COA1: variants seen among roughly 807,000 people sequenced by gnomAD.
The protein encoded by COA1 is cytochrome c oxidase assembly factor 1 homolog.
In COA1, 13 loss-of-function variants were observed where a neutral mutation model predicts 16.0. The ratio of observed to expected loss-of-function variants is 0.81; its 90% CI spans 0.53 to 1.29. The LOEUF is 1.29. COA1 is among the 50% of genes most tolerant of loss of function. The pLI, the probability that COA1 is intolerant of heterozygous loss-of-function variation, is 0.00. For missense variants in COA1, 179 were observed against 177.0 expected (o/e 1.01, Z -0.06); for synonymous variants, 65 against 65.7 (o/e 0.99, Z 0.05).
intron 6 of COA1, chr7:43,624,987 GT>G: frequency 1.3e-6 from 1 of 747,850 alleles, no homozygotes; most frequent in Non-Finnish European, 2.0e-6. Flanking sequence ...AATTTGTGGA[GT>G]TAGGTGGAAG....
In COA1 at chr7:43,646,867, C is replaced by T. The variant is rs113904521; in HGVS notation, c.115+668G>A. 7.2e-3 allele frequency: 1,763 copies of T among 245,126 alleles called. 31 individuals are homozygous for T. Among genetic ancestry groups the T allele is most frequent in the African/African-American group, 0.036 (1,644 of 45,070 alleles). 15.2% of individuals were successfully genotyped at this position (245,126 alleles called of 1,614,324 possible). A position where few individuals can be genotyped will look rare whatever the true frequency, so the allele number is the denominator to read the frequency against. On this transcript the variant is annotated intron_variant, in intron 3 of 5. Coordinates refer to ENST00000223336, the MANE Select transcript of COA1 (RefSeq NM_018224.4). ...AGTGAAAATGTTGCAGAGTGGATGA[C>T]GAGCCAAGCTGGGTGGGGATAAAGG...
At chr7:43,673,848 A>G (rs1300475178) in intron 1 of COA1, among the ~76,000 whole-genome samples, 1 of 152,226 alleles carries the variant, frequency 6.6e-6, no homozygotes, top group East Asian at 1.9e-4. Context: ...TTGCAGCAAC[A>G]CAGATGGACC....
intron 6 of COA1, among the ~76,000 whole-genome samples, chr7:43,633,740 G>T (rs986778780): frequency 6.6e-6 from 1 of 152,056 alleles, no homozygotes; most frequent in Non-Finnish European, 1.5e-5. Context: ...AAAACACAAT[G>T]AAACTAGGTA....
intron 1 of COA1, among the ~76,000 whole-genome samples, chr7:43,725,875 T>A (rs1356762360): frequency 1.3e-5 from 2 of 149,774 alleles, no homozygotes; most frequent in South Asian, 2.1e-4. Flanking sequence ...ATATATATAT[T>A]ATATATATAC....
At chr7:43,699,091 A>G (rs530291947) in intron 1 of COA1, among the ~76,000 whole-genome samples, 7 of 152,302 alleles carry the variant, frequency 4.6e-5, no homozygotes, top group East Asian at 3.9e-4. Flanking sequence ...AGCTACAATT[A>G]TATCTTGACT....
intron 1 of COA1, chr7:43,711,527 T>C (rs1359341169): frequency 6.6e-6 from 1 of 152,202 alleles, no homozygotes; most frequent in Non-Finnish European, 1.5e-5. Flanking sequence ...ATCTGCTTTT[T>C]AAAAAGTTTG....
intron 1 of COA1, among the ~76,000 whole-genome samples, chr7:43,662,434 C>T (rs1413222790): frequency 3.3e-5 from 5 of 152,076 alleles, no homozygotes; most frequent in African/African-American, 7.2e-5. Context: ...GGTTTCACTA[C>T]GTTGGCCAGC....
intron 1 of COA1, chr7:43,649,160 TTATATAATTC>T (rs1307924634): frequency 6.6e-6 from 1 of 152,428 alleles, no homozygotes; most frequent in African/African-American, 2.4e-5. Flanking sequence ...TCTAAGCACT[TTATATAATTC>T]ATTTAATTCT....
At chr7:43,697,762 T>A (rs957511946) in intron 1 of COA1, among the ~76,000 whole-genome samples, 4 of 152,260 alleles carry the variant, frequency 2.6e-5, no homozygotes, top group Middle Eastern at 6.8e-3. Context: ...CCTTAAAAAG[T>A]CCTTCCATGG....
chr7:43,617,119 C>T (rs1271157896), intron 6 of COA1, among the ~76,000 whole-genome samples: 2 of 152,030 alleles, frequency 1.3e-5, no homozygotes, highest in Non-Finnish European at 2.9e-5. Flanking sequence ...GAAAGTGTCC[C>T]GTGGGACCCA....
At chr7:43,695,471 T>A (rs1477663255) in intron 1 of COA1, among the ~76,000 whole-genome samples, 1 of 151,326 alleles carries the variant, frequency 6.6e-6, no homozygotes, top group Middle Eastern at 3.4e-3. Context: ...TCTCTCTCTA[T>A]CCACAGCATT....
At position 43,710,375 on chromosome 7, in the gene COA1, A is replaced by AAATAT. The variant is rs761592421; in HGVS notation, c.-39+19053_-39+19054insATATT. 3.4e-3 allele frequency among the ~76,000 whole-genome samples: 123 copies of AAATAT among 36,436 alleles called. 2 individuals carry two copies. The highest frequency in any genetic ancestry group is 4.8e-3 in the African/African-American group (37 of 7,690). The allele number at this position is 36,436 out of a possible 152,430, so 23.9% of individuals were successfully genotyped here. On this transcript the variant is annotated intron_variant, in intron 1 of 5. Coordinates refer to ENST00000223336, the MANE Select transcript of COA1 (RefSeq NM_018224.4). ...AAAAAAAAAAAAAAAAAAAAAAAAAAATATATATATATATATATATTTTTA... is the reference window on the plus strand; with the variant it reads ...AAAAAAAAAAAAAAAAAAAAAAAAAAAATATATATATATATATATATATATTTTTA...
chr7:43,696,036 C>T (rs2094516180), intron 1 of COA1, among the ~76,000 whole-genome samples: 1 of 152,154 alleles, frequency 6.6e-6, no homozygotes, highest in South Asian at 2.1e-4. Context: ...GGAGGCCTCA[C>T]AATCACGGCG....
At chr7:43,675,196 G>A (rs6963406) in intron 1 of COA1, among the ~76,000 whole-genome samples, 66,618 of 151,974 alleles carry the variant, frequency 0.44, 15,161 homozygotes, top group African/African-American at 0.57. Context: ...GTCCAACAAC[G>A]ATAGACTGGA....
chr7:43,718,004 G>A (rs921281613), intron 1 of COA1, among the ~76,000 whole-genome samples: 9 of 152,172 alleles, frequency 5.9e-5, no homozygotes, highest in African/African-American at 1.9e-4. Context: ...AGTAAGTCCA[G>A]TTAAACCTCT....
intron 1 of COA1, among the ~76,000 whole-genome samples, chr7:43,650,882 C>A (rs966439862): frequency 2.0e-5 from 3 of 150,980 alleles, no homozygotes; most frequent in South Asian, 4.2e-4. Flanking sequence ...CAAGAGTGCT[C>A]AGGCAGTGAG....
At chr7:43,668,328 A>T (rs767850311) in intron 1 of COA1, among the ~76,000 whole-genome samples, 1 of 152,210 alleles carries the variant, frequency 6.6e-6, no homozygotes, top group Non-Finnish European at 1.5e-5. Flanking sequence ...TCAGCTTTAA[A>T]GGTCTTATCT....
chr7:43,719,522 T>A (rs1053280156), intron 1 of COA1, among the ~76,000 whole-genome samples: 1 of 152,208 alleles, frequency 6.6e-6, no homozygotes, highest in Non-Finnish European at 1.5e-5. Flanking sequence ...AGCTACCAAA[T>A]ATAAAGGATT....
At chr7:43,710,665 C>T (rs2095215366) in intron 1 of COA1, among the ~76,000 whole-genome samples, 1 of 152,004 alleles carries the variant, frequency 6.6e-6, no homozygotes, top group East Asian at 1.9e-4. Flanking sequence ...TTTATTCTCC[C>T]AACTCCAATA....
Sources: allele counts gnomAD v4.1 joint callset (sites outside exome capture counted in the v4.1 genomes callset), GRCh38; gene constraint gnomAD v4.1.1; transcripts MANE v1.5; gene names NCBI Gene and HGNC (gene_info 2026-07-23, HGNC 2026-07-21).